Variants in EGLN2 observed in about 807,000 individuals in gnomAD.
EGLN2 encodes egl-9 family hypoxia inducible factor 2, also known as prolyl hydroxylase EGLN2.
Under a neutral mutation model 38.2 loss-of-function variants are expected in EGLN2, and 15 were observed. That is an observed-to-expected ratio of 0.39 (90% CI 0.26 to 0.60). EGLN2 has a LOEUF of 0.60. EGLN2 is among the 20% of genes least tolerant of loss of function. EGLN2 has a pLI of 0.50. For synonymous variants in EGLN2, 284 were observed against 237.4 expected (o/e 1.20, Z -1.81); for missense variants, 492 against 570.4 (o/e 0.86, Z 1.40).
Position 40,800,756 on chromosome 19 carries a change from G to T in EGLN2, c.184G>T (p.Gly62Trp), listed in dbSNP as rs201363352. Residue 62 changes from glycine (G) to tryptophan (W), a missense_variant, in exon 2 of 6, where the codon GGG (glycine) becomes TGG (tryptophan). Physicochemically the swap from Gly to Trp is radical, Grantham distance 184. Coordinates refer to ENST00000303961, the MANE Select transcript of EGLN2 (RefSeq NM_080732.4). ...GCCTAGTGAGGCCTCGGCAGGGAGTGGGACCCCCAGAGCCACAGCCACCTC... is the reference window on the plus strand; with the variant it reads ...GCCTAGTGAGGCCTCGGCAGGGAGTTGGACCCCCAGAGCCACAGCCACCTC... Reference protein sequence around the residue: ...GVPSEASAGSGTPRATATSTT... With the variant: ...GVPSEASAGSWTPRATATSTT... The T allele has an allele frequency of 3.2e-5, 51 of 1,613,416 alleles. No homozygotes were observed. In the East Asian group the frequency reaches 1.1e-3, roughly 36 times the overall value.
chr19:40,800,929 G>A lies in EGLN2; in HGVS notation c.357G>A (p.Arg119=), dbSNP rs2083251845. 6.2e-7 allele frequency: 1 copy of A among 1,609,916 alleles called. No homozygotes were observed. The highest frequency in any genetic ancestry group is 8.5e-7 in the Non-Finnish European group (1 of 1,178,550). The change falls in exon 2 of 6, where the codon CGG becomes CGA. Residue 119 remains arginine (R), a synonymous_variant. Transcript: ENST00000303961. ...GCGCACGGCCTGAGGCCCCCAAACG[G>A]AAATGGGCCGAGGATGGTGGGGATG... The part of the protein sequence containing the change: ...AQGARPEAPK[R]KWAEDGGDAP...
At chr19:40,807,091 C>G in intron 3 of EGLN2, 47 bp from the exon 4 acceptor site, 1 of 1,602,682 alleles carries the variant, frequency 6.2e-7, no homozygotes. Flanking sequence ...TGGGAGGCAG[C>G]GGCTCCTGGC....
chr19:40,806,825 C>T, intron 3 of EGLN2, 151 bp downstream of exon 3: 1 of 1,153,584 alleles, frequency 8.7e-7, no homozygotes, highest in Non-Finnish European at 1.2e-6. Flanking sequence ...TCTGCCGGCT[C>T]TTCCTGGGAA....
rs1275952133 is a variant in EGLN2 at position 40,799,260 on chromosome 19, T to G, written c.-237T>G. 1.4e-5 allele frequency: 2 copies of G among 147,618 alleles called. No individual in the cohort carries two copies. The highest frequency in any genetic ancestry group is 3.0e-5 in the Non-Finnish European group (2 of 66,704). 9.1% of individuals were successfully genotyped at this position (147,618 alleles called of 1,614,324 possible). A position where few individuals can be genotyped will look rare whatever the true frequency, so the allele number is the denominator to read the frequency against. On this transcript the variant is annotated splice_region_variant and 5_prime_UTR_variant, in exon 1 of 6. Transcript: ENST00000303961. ...CGGCGCCGGGGCCGGAGGAAAAAGC[T>G]CGGTGAGGAGGTCGCGGGGCGAGAA...
In EGLN2 at chr19:40,808,112, G is replaced by A; in HGVS notation, c.*248G>A. 1 of 588,086 alleles carries A rather than the reference G, an allele frequency of 1.7e-6. No homozygotes were observed. The highest frequency in any genetic ancestry group is 2.8e-5 in the East Asian group (1 of 35,708). 36.4% of individuals were successfully genotyped at this position (588,086 alleles called of 1,614,324 possible). Reference sequence around the variant, plus strand: ...GAGGCCACCGTTACCAACTGAAGCTGGGGGCCTGGGTCCTACCCTGTCTGG... The same window carrying A: ...GAGGCCACCGTTACCAACTGAAGCTAGGGGCCTGGGTCCTACCCTGTCTGG... On this transcript the variant is annotated 3_prime_UTR_variant, in exon 6 of 6. Coordinates refer to ENST00000303961, the MANE Select transcript of EGLN2 (RefSeq NM_080732.4).
chr19:40,800,823 A>T lies in EGLN2; in HGVS notation c.251A>T (p.Asp84Val). 1 of 1,613,256 alleles carries T rather than the reference A, an allele frequency of 6.2e-7. No individual in the cohort carries two copies. The highest frequency in any genetic ancestry group is 8.5e-7 in the Non-Finnish European group (1 of 1,179,900). The change falls in exon 2 of 6, where the codon GAT (aspartate) becomes GTT (valine). Residue 84 changes from aspartate to valine, a missense_variant. Asp to Val is a radical substitution (Grantham distance 152). This residue lies in a region of EGLN2 where 378 missense variants were observed against 386.2 expected (regional missense o/e 0.98). Coordinates refer to ENST00000303961, the MANE Select transcript of EGLN2 (RefSeq NM_080732.4). ...CTTCGGGACGGTTTTGGCGGGCAGG[A>T]TGGTGGTGAGCTGCGGCCGCTGCAG... ...SPLRDGFGGQ[D>V]GGELRPLQSE...
intron 3 of EGLN2, 132 bp from the exon 4 acceptor site, chr19:40,807,006 A>C: frequency 7.2e-7 from 1 of 1,397,154 alleles, no homozygotes; most frequent in Middle Eastern, 1.8e-4. Context: ...GTTGTCATTC[A>C]CTTTGAGAGC....
chr19:40,802,744 T>G (rs1041877323), intron 2 of EGLN2, among the ~76,000 whole-genome samples: 6 of 152,208 alleles, frequency 3.9e-5, no homozygotes, highest in African/African-American at 1.4e-4. Flanking sequence ...TGGCCTTGAG[T>G]CCAAGGCTTG....
At chr19:40,803,116 C>T (rs2083275239) in intron 2 of EGLN2, 1 of 152,326 alleles carries the variant, frequency 6.6e-6, no homozygotes, top group Non-Finnish European at 1.5e-5. Context: ...GCATCTTCAC[C>T]CCAGGTTGGC....
chr19:40,805,439 T>C (rs570416347), intron 2 of EGLN2: 6 of 152,342 alleles, frequency 3.9e-5, no homozygotes, highest in African/African-American at 1.4e-4. Flanking sequence ...CAGACACTTG[T>C]TATCTTGTTC....
intron 2 of EGLN2, chr19:40,804,044 G>A (rs1037049696): frequency 2.6e-5 from 4 of 152,266 alleles, no homozygotes; most frequent in African/African-American, 9.7e-5. Context: ...GGGGAAGGGT[G>A]GGGCCCTAAA....
At chr19:40,807,327 C>T (rs1051126049) in intron 4 of EGLN2, 53 bp downstream of exon 4, 69 of 1,611,826 alleles carry the variant, frequency 4.3e-5, no homozygotes, top group Non-Finnish European at 5.9e-5. Context: ...GTGACAATGT[C>T]CTGTCAGAGC....
intron 2 of EGLN2, among the ~76,000 whole-genome samples, chr19:40,802,715 C>T (rs894701655): frequency 1.3e-5 from 2 of 152,246 alleles, no homozygotes; most frequent in Admixed American, 1.3e-4. Flanking sequence ...TCATTGTCTT[C>T]ATGGGTGGTG....
At chr19:40,807,026 G>A in intron 3 of EGLN2, 112 bp from the exon 4 acceptor site, 1 of 1,509,984 alleles carries the variant, frequency 6.6e-7, no homozygotes. Flanking sequence ...CCCGAGGGGT[G>A]GGAGGGAGTG....
At chr19:40,806,312 C>A in intron 2 of EGLN2, 1 of 627,116 alleles carries the variant, frequency 1.6e-6, no homozygotes, top group South Asian at 2.3e-5. Context: ...GTGCCAGGCC[C>A]CAGGTATGTG....
chr19:40,803,082 G>A (rs1329679716), intron 2 of EGLN2: 2 of 152,412 alleles, frequency 1.3e-5, no homozygotes, highest in African/African-American at 2.4e-5. Flanking sequence ...CTGTGCGGGC[G>A]GGATCAGTGG....
chr19:40,805,995 C>T (rs1032336932), intron 2 of EGLN2: 3 of 153,878 alleles, frequency 1.9e-5, no homozygotes, highest in African/African-American at 7.2e-5. Context: ...GTCTATGGGA[C>T]AGATAATTTA....
In EGLN2 at chr19:40,807,201, C is replaced by G. The variant is rs1227388795; in HGVS notation, c.1027C>G (p.Leu343Val). Residue 343 changes from leucine (L) to valine (V), a missense_variant, in exon 4 of 6, where the codon CTC becomes GTC. By Grantham distance (32) the Leu-to-Val change is conservative (BLOSUM62 1). Coordinates refer to ENST00000303961, the MANE Select transcript of EGLN2 (RefSeq NM_080732.4). ...GRPVVANIEP[L>V]FDRLLIFWSD... ...GCCCGTGGTAGCCAACATCGAGCCA[C>G]TCTTTGACCGGTTGCTCATTTTCTG... The G allele has an allele frequency of 6.2e-7, 1 of 1,614,194 alleles. No homozygotes were observed. Among genetic ancestry groups the G allele is most frequent in the African/African-American group, 1.3e-5 (1 of 75,048 alleles).
intron 2 of EGLN2, among the ~76,000 whole-genome samples, chr19:40,802,046 A>C (rs1316038027): frequency 6.6e-6 from 1 of 152,000 alleles, no homozygotes; most frequent in East Asian, 1.9e-4. Flanking sequence ...CACACAGTTC[A>C]CCTGGCCGTT....
Sources: gnomAD v4.1 joint callset for allele counts (sites outside exome capture counted in the v4.1 genomes callset) on GRCh38, gnomAD v4.1.1 for gene constraint, gnomAD v4.1.1 regional missense constraint, MANE v1.5 for transcripts, NCBI Gene and HGNC (gene_info 2026-07-23, HGNC 2026-07-21) for gene names.